The following HPS4 variants were observed in gnomAD, a reference collection of about 807,000 sequenced individuals.
The protein encoded by HPS4 is BLOC-3 complex member HPS4.
HPS4 carries 44 observed loss-of-function variants against 70.3 expected under a neutral mutation model. That is an observed-to-expected ratio of 0.63 (90% CI 0.49 to 0.80). The LOEUF (loss-of-function observed/expected upper bound fraction) is 0.80, where lower values mean the gene tolerates loss of function less well. HPS4 is among the 30% of genes least tolerant of loss of function. The pLI, the probability that HPS4 is intolerant of heterozygous loss-of-function variation, is 0.00. For synonymous variants in HPS4, 377 were observed against 355.9 expected (o/e 1.06, Z -0.67); for missense variants, 873 against 884.4 (o/e 0.99, Z 0.16).
At position 26,464,074 on chromosome 22, in the gene HPS4, C is replaced by A. The variant is rs750685060; in HGVS notation, c.1556G>T (p.Gly519Val). Residue 519 changes from glycine (G) to valine (V), a missense_variant, in exon 11 of 14, where the codon GGC becomes GTC. Gly to Val is a moderately radical substitution (Grantham distance 109). Coordinates refer to ENST00000398145, the MANE Select transcript of HPS4 (RefSeq NM_022081.6). ...SSGSANCQGA[G>V]PSADGISSRL... Reference sequence around the variant, plus strand: ...GGAGCTGATTCCATCTGCAGAGGGGCCAGCACCCTGACAGTTTGCTGAGCC... The same window carrying A: ...GGAGCTGATTCCATCTGCAGAGGGGACAGCACCCTGACAGTTTGCTGAGCC... 6.2e-7 allele frequency: 1 copy of A among 1,614,262 alleles called. No individual in the cohort carries two copies. The highest frequency in any genetic ancestry group is 1.7e-5 in the Admixed American group (1 of 60,030).
chr22:26,443,506 T>C (rs56914162), downstream of HPS4: 3,487 of 254,026 alleles, frequency 0.014, 57 homozygotes, highest in East Asian at 0.072. Flanking sequence ...AGAGACTTAG[T>C]GCCCTTGTAA....
In HPS4 at chr22:26,477,042, C is replaced by T. The variant is rs756712181; in HGVS notation, c.227G>A (p.Arg76His). The change falls in exon 4 of 14, where the codon CGT (arginine) becomes CAT (histidine). Residue 76 changes from arginine (R) to histidine (H), a missense_variant. Arg to His is a conservative substitution (Grantham distance 29). Coordinates refer to ENST00000398145, the MANE Select transcript of HPS4 (RefSeq NM_022081.6). Reference protein sequence around the residue: ...DISDSPPTLVRLRKLKFAIKV... With the variant: ...DISDSPPTLVHLRKLKFAIKV... Reference sequence around the variant, plus strand: ...TATGGCAAACTTCAGTTTTCTCAGACGAACAAGAGTAGGAGGAGAGTCAGA... The same window carrying T: ...TATGGCAAACTTCAGTTTTCTCAGATGAACAAGAGTAGGAGGAGAGTCAGA... 3.5e-5 allele frequency: 57 copies of T among 1,614,036 alleles called. No individual in the cohort carries two copies. Among genetic ancestry groups the T allele is most frequent in the African/African-American group, 2.5e-4 (19 of 74,926 alleles).
At chr22:26,471,528 C>A in intron 6 of HPS4, 1 of 391,774 alleles carries the variant, frequency 2.6e-6, no homozygotes, top group Middle Eastern at 5.5e-4. Context: ...GCCTCCGGAG[C>A]TGCTGACACA....
At chr22:26,453,572 G>A (rs2085561978) in intron 13 of HPS4, 168 bp from the exon 14 acceptor site, 1 of 720,636 alleles carries the variant, frequency 1.4e-6, no homozygotes, top group Admixed American at 2.1e-5. Context: ...TCAGGCTTCA[G>A]TGCCAATACC....
intron 13 of HPS4, 102 bp from the exon 14 acceptor site, chr22:26,453,506 C>G (rs1349248335): frequency 1.9e-5 from 23 of 1,238,744 alleles, no homozygotes; most frequent in Non-Finnish European, 2.1e-5. Context: ...ACCCAGGACA[C>G]CCAATGTGGC....
chr22:26,456,107 G>A (rs1441572039), intron 13 of HPS4, among the ~76,000 whole-genome samples: 3 of 152,170 alleles, frequency 2.0e-5, no homozygotes, highest in African/African-American at 4.8e-5. Flanking sequence ...AACACCTGGC[G>A]CTCAAGTGTG....
Position 26,465,481 on chromosome 22 carries a change from G to C in HPS4, c.777C>G (p.His259Gln). ...TTGTCATCTGTTCCACCGGGAACTC[G>C]TGGAGACTAATGGCTTCCTCTTTGG... ...FVTKEEAISL[H>Q]EFPVEQMTRS... is the part of the protein sequence containing the mutation. Residue 259 changes from histidine to glutamine, a missense_variant, in exon 10 of 14, where the codon CAC becomes CAG. His to Gln is a conservative substitution (Grantham distance 24). Coordinates refer to ENST00000398145, the MANE Select transcript of HPS4 (RefSeq NM_022081.6). 6.2e-7 allele frequency: 1 copy of C among 1,613,682 alleles called. No individual in the cohort carries two copies. The highest frequency in any genetic ancestry group is 8.5e-7 in the Non-Finnish European group (1 of 1,179,592).
chr22:26,444,705 A>G (rs1035189421), intron 3 of HPS4: 1 of 152,294 alleles, frequency 6.6e-6, no homozygotes, highest in Non-Finnish European at 1.5e-5. Flanking sequence ...CTGTTGGAAG[A>G]AAACACAGTT....
At chr22:26,471,018 C>T in intron 6 of HPS4, 1 of 1,039,288 alleles carries the variant, frequency 9.6e-7, no homozygotes. Flanking sequence ...CACTAAATGC[C>T]AAATTCTTAG....
At chr22:26,466,476 A>G in intron 8 of HPS4, 3 of 645,320 alleles carry the variant, frequency 4.6e-6, no homozygotes, top group Non-Finnish European at 8.4e-6. Flanking sequence ...CTGGGCCCAC[A>G]CAGGCTGCAA....
At position 26,452,000 on chromosome 22, in the gene HPS4, GCGCGCACA is replaced by G. The variant is rs1217897433; in HGVS notation, c.*1225_*1232del. 3.4e-3 allele frequency: 243 copies of G among 72,530 alleles called. 2 individuals carry two copies. The highest frequency in any genetic ancestry group is 0.02 in the African/African-American group (228 of 11,342). 4.5% of individuals were successfully genotyped at this position (72,530 alleles called of 1,614,324 possible). On this transcript the variant is annotated 3_prime_UTR_variant, in exon 14 of 14. Transcript: ENST00000398145. ...GCGCCCACGTTACGCGCGCGCGCGC[GCGCGCACA>G]CACACACACACACACACACACACAC...
At chr22:26,466,513 C>A in intron 8 of HPS4, 1 of 596,348 alleles carries the variant, frequency 1.7e-6, no homozygotes, top group Non-Finnish European at 3.0e-6. Context: ...AAACTCACAT[C>A]ACACTCTACG....
downstream of HPS4, among the ~76,000 whole-genome samples, chr22:26,450,306 AC>A (rs1265758664): frequency 1.3e-5 from 2 of 152,042 alleles, no homozygotes; most frequent in East Asian, 3.9e-4. Context: ...GCTGCTACTC[AC>A]CCACCCCGAG....
chr22:26,473,739 C>G (rs958937275), intron 4 of HPS4, among the ~76,000 whole-genome samples: 1 of 150,208 alleles, frequency 6.7e-6, no homozygotes, highest in Admixed American at 6.6e-5. Flanking sequence ...GAGACACCGT[C>G]TCAAAAAAAA....
chr22:26,454,514 T>C (rs2085740421), intron 13 of HPS4, among the ~76,000 whole-genome samples: 2 of 152,364 alleles, frequency 1.3e-5, no homozygotes, highest in South Asian at 4.1e-4. Context: ...GGTTAAGAAA[T>C]GGTAGCTGTT....
At chr22:26,467,953 A>G (rs564137678) in intron 8 of HPS4, 1 of 152,058 alleles carries the variant, frequency 6.6e-6, no homozygotes, top group Non-Finnish European at 1.5e-5. Context: ...CCCAGGCTGG[A>G]GTGCAGTGGC....
chr22:26,463,934 C>A lies in HPS4; in HGVS notation c.1696G>T (p.Ala566Ser). The change falls in exon 11 of 14, where the codon GCA becomes TCA. Residue 566 changes from alanine (A) to serine (S), a missense_variant. Coordinates refer to ENST00000398145, the MANE Select transcript of HPS4 (RefSeq NM_022081.6). ...LAEEPLLGDS[A>S]AIEEVYHSSL... The stretch of plus-strand genomic sequence containing the variant: ...ACACTCACCACTTCCTCTATGGCTG[C>A]GCTGTCTCCCAGCAGCGGCTCCTCA... The A allele has an allele frequency of 6.2e-7, 1 of 1,612,836 alleles. No homozygotes were observed. Among genetic ancestry groups the A allele is most frequent in the Non-Finnish European group, 8.5e-7 (1 of 1,179,980 alleles).
rs780889236 is a variant in HPS4 at position 26,463,919 on chromosome 22, C to G, written c.1711G>C (p.Val571Leu). Reference sequence around the variant, plus strand: ...GGAGAAGGTCTGAGGACACTCACCACTTCCTCTATGGCTGCGCTGTCTCCC... The same window carrying G: ...GGAGAAGGTCTGAGGACACTCACCAGTTCCTCTATGGCTGCGCTGTCTCCC... ...LLGDSAAIEE[V>L]YHSSLASLNG... Residue 571 changes from valine (V) to leucine (L), a missense_variant and splice_region_variant, in exon 11 of 14, where the codon GTG (valine) becomes CTG (leucine). Transcript: ENST00000398145. The G allele has an allele frequency of 9.9e-6, 16 of 1,613,126 alleles. 1 individual carries two copies. In the East Asian group the frequency reaches 3.3e-4, roughly 34 times the overall value.
intron 11 of HPS4, among the ~76,000 whole-genome samples, chr22:26,460,719 G>A (rs1271502792): frequency 2.0e-5 from 3 of 152,100 alleles, no homozygotes; most frequent in African/African-American, 7.2e-5. Context: ...ACATACCAGG[G>A]GTCAGCAAAC....
Sources: gnomAD v4.1 joint callset for allele counts (sites outside exome capture counted in the v4.1 genomes callset) on GRCh38, gnomAD v4.1.1 for gene constraint, MANE v1.5 for transcripts, NCBI Gene and HGNC (gene_info 2026-07-23, HGNC 2026-07-21) for gene names.